Variants in SMG1 observed in about 807,000 individuals in gnomAD.
The protein encoded by SMG1 is SMG1 nonsense mediated mRNA decay associated PI3K related kinase.
A neutral mutation model predicts 419.9 loss-of-function variants in SMG1; 22 were observed. The ratio of observed to expected loss-of-function variants is 0.05; its 90% CI spans 0.04 to 0.07. The LOEUF (loss-of-function observed/expected upper bound fraction) is 0.07. Ranked by LOEUF, SMG1 falls within the 10% of genes least tolerant of loss-of-function variation. SMG1 has a pLI of 1.00. For missense variants in SMG1, 3,185 were observed against 4,342.0 expected (o/e 0.73, Z 7.49); for synonymous variants, 1,538 against 1,553.5 (o/e 0.99, Z 0.23).
Position 18,884,180 on chromosome 16 carries a change from T to C in SMG1, c.1022-13A>G, listed in dbSNP as rs749452358. The C allele has an allele frequency of 5.0e-6, 7 of 1,397,656 alleles. No individual in the cohort carries two copies. In the East Asian group the frequency reaches 6.9e-5, roughly 14 times the overall value. The allele number at this position is 1,397,656 out of a possible 1,614,324, so 86.6% of individuals were successfully genotyped here. A position where few individuals can be genotyped will look rare whatever the true frequency, so the allele number is the denominator to read the frequency against. The stretch of plus-strand genomic sequence containing the variant: ...CTCTGCAACCACCCTTGGAATCGTA[T>C]AAGAAATTGTGAAAGGGTAGGGGGG... On this transcript the variant is annotated splice_polypyrimidine_tract_variant and intron_variant, in intron 8 of 62. Transcript: ENST00000446231.
At position 18,849,242 on chromosome 16, in the gene SMG1, C is replaced by T. The variant is rs781587363; in HGVS notation, c.5598G>A (p.Ser1866=). Residue 1866 remains serine, a synonymous_variant, in exon 36 of 63, where the codon TCG becomes TCA. Coordinates refer to ENST00000446231, the MANE Select transcript of SMG1 (RefSeq NM_015092.5). ...ILYPAIVGTI[S]LSSESQASGN... Reference sequence around the variant, plus strand: ...CTGAAGCCTGGGATTCACTACTAAGCGATATGGTACCCACTATTGCAGGAT... The same window carrying T: ...CTGAAGCCTGGGATTCACTACTAAGTGATATGGTACCCACTATTGCAGGAT... 8.7e-6 allele frequency: 14 copies of T among 1,611,506 alleles called. No homozygotes were observed. The highest frequency in any genetic ancestry group is 4.5e-5 in the East Asian group (2 of 44,826).
Position 18,849,227 on chromosome 16 carries a change from G to A in SMG1, c.5613C>T (p.Ser1871=). The A allele has an allele frequency of 6.2e-7, 1 of 1,600,540 alleles. No homozygotes were observed. The highest frequency in any genetic ancestry group is 1.1e-5 in the South Asian group (1 of 89,650). The change falls in exon 36 of 63, where the codon TCC becomes TCT. Residue 1871 remains serine (S), a synonymous_variant. Coordinates refer to ENST00000446231, the MANE Select transcript of SMG1 (RefSeq NM_015092.5). The stretch of plus-strand genomic sequence containing the variant: ...TTGAATATTCCATACCTGAAGCCTG[G>A]GATTCACTACTAAGCGATATGGTAC... ...IVGTISLSSE[S]QASGNKFSTA... is the part of the protein sequence containing the mutation.
At chr16:18,908,799 G>C (rs1567454772) in intron 1 of SMG1, among the ~76,000 whole-genome samples, 1 of 151,598 alleles carries the variant, frequency 6.6e-6, no homozygotes, top group Non-Finnish European at 1.5e-5. Flanking sequence ...AGAATGGCGT[G>C]AGCGCGGGAG....
In SMG1 at chr16:18,866,783, C is replaced by T. The variant is rs370327928; in HGVS notation, c.3196-8G>A. On this transcript the variant is annotated splice_region_variant and splice_polypyrimidine_tract_variant and intron_variant, in intron 22 of 62. Transcript: ENST00000446231. ...TACTTCCAATTCATTCCCCTGAAAA[C>T]GCATTCAGAAAAATTAGTCACCCAA... 1.4e-5 allele frequency: 23 copies of T among 1,596,520 alleles called. No homozygotes were observed. The highest frequency in any genetic ancestry group is 2.2e-5 in the East Asian group (1 of 44,876).
chr16:18,863,128 T>C (rs1350691697), intron 25 of SMG1, among the ~76,000 whole-genome samples: 1 of 152,220 alleles, frequency 6.6e-6, no homozygotes, highest in Non-Finnish European at 1.5e-5. Context: ...CATTTAGCAG[T>C]AGAAGGCAAG....
chr16:18,923,721 A>C (rs1185850661), intron 1 of SMG1, among the ~76,000 whole-genome samples: 4 of 152,142 alleles, frequency 2.6e-5, no homozygotes, highest in East Asian at 1.9e-4. Flanking sequence ...AAAAAAAATT[A>C]ATCAAAATTA....
chr16:18,838,486 A>AT lies in SMG1; in HGVS notation c.7085-21dup. The AT allele has an allele frequency of 6.2e-7, 1 of 1,613,974 alleles. No homozygotes were observed. Among genetic ancestry groups the AT allele is most frequent in the Non-Finnish European group, 8.5e-7 (1 of 1,179,866 alleles). ...TTTTACCTTGAAAAGACAAATCATT[A>AT]TATTTTTGCCCTTTCACCAAAAAAC... On this transcript the variant is annotated intron_variant, in intron 43 of 62. Transcript: ENST00000446231.
intron 5 of SMG1, among the ~76,000 whole-genome samples, chr16:18,889,959 T>C (rs930165627): frequency 1.3e-5 from 2 of 152,132 alleles, no homozygotes; most frequent in Non-Finnish European, 2.9e-5. Context: ...GTAATGACTA[T>C]AAAATAAAAA....
rs561508347 is a variant in SMG1 at position 18,831,894 on chromosome 16, G to A, written c.8792+1046C>T. Among the ~76,000 whole-genome samples the A allele has an allele frequency of 2.6e-4, 40 of 151,258 alleles. 1 individual carries two copies. The South Asian group carries it at 7.9e-3, about 30-fold the overall frequency. Reference sequence around the variant, plus strand: ...AGAAACAGGAAATTTCTGAATGCAGGATAATTAACATTAAGGAATTATTGC... The same window carrying A: ...AGAAACAGGAAATTTCTGAATGCAGAATAATTAACATTAAGGAATTATTGC... On this transcript the variant is annotated intron_variant, in intron 51 of 62. Transcript: ENST00000446231.
chr16:18,885,951 A>T (rs573646418), intron 6 of SMG1, among the ~76,000 whole-genome samples: 1 of 152,150 alleles, frequency 6.6e-6, no homozygotes, highest in African/African-American at 2.4e-5. Context: ...ATCTCAAAAA[A>T]AATAATAATT....
At chr16:18,864,189 T>TTC (rs200608612) in intron 23 of SMG1, 45 bp from the exon 24 acceptor site, 29,691 of 482,078 alleles carry the variant, frequency 0.062, 390 homozygotes, top group African/African-American at 0.094. Context: ...TCTACTTACT[T>TTC]TTTTTTTTTT....
chr16:18,893,549 TG>T (rs928704881), intron 3 of SMG1, among the ~76,000 whole-genome samples: 7 of 151,968 alleles, frequency 4.6e-5, no homozygotes, highest in Admixed American at 1.3e-4. Context: ...CGCTTTAGCC[TG>T]GGAAGCGAAG....
chr16:18,847,444 G>A lies in SMG1; in HGVS notation c.5996+9C>T. Reference sequence around the variant, plus strand: ...TTCACTGTCTCAGGACAAGTGTATGGAAACATACTTGCGTAAGGTGTTGTT... The same window carrying A: ...TTCACTGTCTCAGGACAAGTGTATGAAAACATACTTGCGTAAGGTGTTGTT... On this transcript the variant is annotated intron_variant, in intron 38 of 62. Coordinates refer to ENST00000446231, the MANE Select transcript of SMG1 (RefSeq NM_015092.5). 1 of 1,613,692 alleles carries A rather than the reference G, an allele frequency of 6.2e-7. No homozygotes were observed. Among genetic ancestry groups the A allele is most frequent in the Non-Finnish European group, 8.5e-7 (1 of 1,179,600 alleles).
Position 18,876,163 on chromosome 16 carries a change from G to T in SMG1, c.1851C>A (p.Ala617=). Residue 617 remains alanine, a synonymous_variant, in exon 13 of 63, where the codon GCC becomes GCA. Transcript: ENST00000446231. ...TTTTGGCATTTCCAATTGTAGTCAG[G>T]GCACTGAGGTCAAATATAACTACAA... The part of the protein sequence containing the change: ...AKFVVIFDLS[A]LTTIGNAKNS... 1 of 1,611,724 alleles carries T rather than the reference G, an allele frequency of 6.2e-7. No individual in the cohort carries two copies. Among genetic ancestry groups the T allele is most frequent in the South Asian group, 1.1e-5 (1 of 90,976 alleles).
chr16:18,835,295 C>T, intron 48 of SMG1, 131 bp from the exon 49 acceptor site: 2 of 1,004,644 alleles, frequency 2.0e-6, no homozygotes, highest in Non-Finnish European at 2.8e-6. Context: ...ATAAAAATGT[C>T]TCAAGAGCTT....
At chr16:18,874,443 C>A (rs1403017262) in intron 13 of SMG1, among the ~76,000 whole-genome samples, 3 of 151,398 alleles carry the variant, frequency 2.0e-5, no homozygotes, top group African/African-American at 7.3e-5. Flanking sequence ...CCAGCCCACA[C>A]CTATTACTTT....
At chr16:18,816,046 G>A (rs1427547386) in intron 58 of SMG1, 1 of 504,338 alleles carries the variant, frequency 2.0e-6, no homozygotes, top group Non-Finnish European at 3.5e-6. Context: ...TTCATATCTT[G>A]GTTTTATTAC....
Position 18,805,403 on chromosome 16 carries a change from A to G in SMG1, c.*4166T>C, listed in dbSNP as rs553000362. The G allele has an allele frequency of 6.6e-4, 101 of 152,336 alleles. No homozygotes were observed. The highest frequency in any genetic ancestry group is 2.4e-3 in the African/African-American group (99 of 41,584). The allele number at this position is 152,336 out of a possible 1,614,324, so 9.4% of individuals were successfully genotyped here. On this transcript the variant is annotated 3_prime_UTR_variant, in exon 63 of 63. Coordinates refer to ENST00000446231, the MANE Select transcript of SMG1 (RefSeq NM_015092.5). ...ATGACACTTTTACATTAGCACAACA[A>G]ACAGCTTTTTCTAAGTCTAGCCAAG...
intron 22 of SMG1, among the ~76,000 whole-genome samples, chr16:18,867,230 C>T (rs1319915076): frequency 2.0e-5 from 3 of 152,232 alleles, no homozygotes; most frequent in African/African-American, 2.4e-5. Flanking sequence ...ATTTGTCATA[C>T]GTTATAAAAA....
Sources: gnomAD v4.1 joint callset for allele counts (sites outside exome capture counted in the v4.1 genomes callset) on GRCh38, gnomAD v4.1.1 for gene constraint, MANE v1.5 for transcripts, NCBI Gene and HGNC (gene_info 2026-07-23, HGNC 2026-07-21) for gene names.